The following KIF19 variants were observed in gnomAD, a reference collection of about 807,000 sequenced individuals.
KIF19 encodes the protein kinesin-like protein KIF19.
A neutral mutation model predicts 106.6 loss-of-function variants in KIF19; 98 were observed. The observed-to-expected ratio is 0.92, with a 90% confidence interval of 0.78 to 1.09. The LOEUF (loss-of-function observed/expected upper bound fraction) is 1.09, where lower values mean the gene tolerates loss of function less well. Ranked by LOEUF, KIF19 falls within the 50% of genes least tolerant of loss-of-function variation. The probability of loss-of-function intolerance (pLI) is 0.00; values close to 1 mark genes in which losing one functional copy is unlikely to be tolerated. For synonymous variants in KIF19, 516 were observed against 584.2 expected (o/e 0.88, Z 1.68); for missense variants, 1,373 against 1,414.3 (o/e 0.97, Z 0.47).
intron 17 of KIF19, 74 bp from the exon 18 acceptor site, chr17:74,354,088 G>A (rs546821991): frequency 2.4e-5 from 36 of 1,485,286 alleles, no homozygotes; most frequent in Admixed American, 1.0e-4. Flanking sequence ...TCCTACCCAC[G>A]TCTGCCATGT....
intron 3 of KIF19, 52 bp from the exon 4 acceptor site, chr17:74,342,578 T>C (rs2054410911): frequency 7.0e-7 from 1 of 1,419,392 alleles, no homozygotes; most frequent in Admixed American, 1.7e-5. Flanking sequence ...AGTGGGTGCC[T>C]GTGCTGTGCC....
chr17:74,346,674 G>A lies in KIF19; in HGVS notation c.924+150G>A, dbSNP rs916598827. On this transcript the variant is annotated intron_variant, in intron 8 of 19. Coordinates refer to ENST00000389916, the MANE Select transcript of KIF19 (RefSeq NM_153209.4). This position sits in a 1 kb window ranked among gnomAD's most constrained non-coding sequence, Gnocchi z 4.6. ...GTAAATATGTCCCATGAAATATTTG[G>A]GATATTCTTATGCTAAAACAAAGTA... 1 of 740,650 alleles carries A rather than the reference G, an allele frequency of 1.4e-6. No homozygotes were observed. The highest frequency in any genetic ancestry group is 2.2e-6 in the Non-Finnish European group (1 of 457,476). 45.9% of individuals were successfully genotyped at this position (740,650 alleles called of 1,614,324 possible).
rs563589295 is a variant in KIF19, at chr17:74,331,233, G to A, written c.120+2728G>A. ...AGGGAGGCTTGGGGGTCCAGTCCTC[G>A]TCAGCTTCTCTGATGGGGCCAGCTG... On this transcript the variant is annotated intron_variant, in intron 2 of 19. Coordinates refer to ENST00000389916, the MANE Select transcript of KIF19 (RefSeq NM_153209.4). This position sits in a 1 kb window ranked among gnomAD's most constrained non-coding sequence, Gnocchi z 4.1. 1.3e-5 allele frequency among the ~76,000 whole-genome samples: 2 copies of A among 152,158 alleles called. No homozygotes were observed. Among genetic ancestry groups the A allele is most frequent in the Non-Finnish European group, 2.9e-5 (2 of 67,984 alleles).
At chr17:74,341,698 T>C (rs1046384787) in intron 2 of KIF19, among the ~76,000 whole-genome samples, 178 bp from the exon 3 acceptor site, 4 of 152,164 alleles carry the variant, frequency 2.6e-5, no homozygotes, top group Non-Finnish European at 5.9e-5. Flanking sequence ...CTCCGGCCTC[T>C]GGCCCCTCCC....
chr17:74,342,924 G>A lies in KIF19; in HGVS notation c.320-100G>A, dbSNP rs557240061. The stretch of plus-strand genomic sequence containing the variant: ...ACCACCTCCCTGGCCCTCTGAGAGG[G>A]CCCAGCCTTGAGGACAAACCCCGGT... On this transcript the variant is annotated intron_variant, in intron 4 of 19. Coordinates refer to ENST00000389916, the MANE Select transcript of KIF19 (RefSeq NM_153209.4). 4.3e-6 allele frequency: 6 copies of A among 1,408,452 alleles called. No homozygotes were observed. The East Asian group carries it at 1.5e-4, about 35-fold the overall frequency. The allele number at this position is 1,408,452 out of a possible 1,614,324, so 87.2% of individuals were successfully genotyped here. A position where few individuals can be genotyped will look rare whatever the true frequency, so the allele number is the denominator to read the frequency against.
intron 2 of KIF19, among the ~76,000 whole-genome samples, chr17:74,333,954 G>A (rs186771539): frequency 7.8e-4 from 117 of 149,282 alleles, no homozygotes; most frequent in East Asian, 1.4e-3. Flanking sequence ...CTCCTGAGTA[G>A]CTGGGACTAT....
At chr17:74,349,514 G>A (rs1223381654) in intron 10 of KIF19, among the ~76,000 whole-genome samples, 165 bp downstream of exon 10, 1 of 152,192 alleles carries the variant, frequency 6.6e-6, no homozygotes, top group Non-Finnish European at 1.5e-5. Context: ...CTGTTAAATG[G>A]GGTTGTGATC....
chr17:74,355,029 G>T, intron 19 of KIF19, 88 bp downstream of exon 19: 2 of 1,544,560 alleles, frequency 1.3e-6, no homozygotes, highest in South Asian at 1.2e-5. Flanking sequence ...TGCGCCTCTG[G>T]CTGCCCCTTG....
rs1240106690 is a variant in KIF19, at chr17:74,352,072, G to A, written c.1793G>A (p.Arg598His). The change falls in exon 13 of 20, where the codon CGC (arginine) becomes CAC (histidine). Residue 598 changes from arginine (R) to histidine (H), a missense_variant. Around this residue, in one of 3 missense-constraint regions of KIF19, gnomAD observed 1,020 missense variants for 1,008.2 expected, o/e 1.01. Coordinates refer to ENST00000389916, the MANE Select transcript of KIF19 (RefSeq NM_153209.4). ...GALRHRHEAV[R>H]RLEQHRSLCD... is the part of the protein sequence containing the mutation. Reference sequence around the variant, plus strand: ...CTCCGCCACCGCCACGAGGCCGTGCGCCGCCTGGAGCAGCACCGCAGTCTC... The same window carrying A: ...CTCCGCCACCGCCACGAGGCCGTGCACCGCCTGGAGCAGCACCGCAGTCTC... 1 of 1,590,724 alleles carries A rather than the reference G, an allele frequency of 6.3e-7. No individual in the cohort carries two copies. The highest frequency in any genetic ancestry group is 1.7e-5 in the Admixed American group (1 of 58,064).
intron 2 of KIF19, among the ~76,000 whole-genome samples, chr17:74,330,210 A>G (rs1398579198): frequency 6.6e-6 from 1 of 152,222 alleles, no homozygotes; most frequent in Non-Finnish European, 1.5e-5. Context: ...ATGAATGCAC[A>G]TAAACAGTGG....
In KIF19 at chr17:74,355,561, G is replaced by A. The variant is rs1455965980; in HGVS notation, c.*249G>A. ...CTGGGCTCCCTGGCTTCCCAGCCCTGGACAGAATGCTGTTGCCAAAACCTG... is the reference window on the plus strand; with the variant it reads ...CTGGGCTCCCTGGCTTCCCAGCCCTAGACAGAATGCTGTTGCCAAAACCTG... On this transcript the variant is annotated 3_prime_UTR_variant, in exon 20 of 20. Coordinates refer to ENST00000389916, the MANE Select transcript of KIF19 (RefSeq NM_153209.4). 4.6e-6 allele frequency: 2 copies of A among 433,812 alleles called. No homozygotes were observed. The highest frequency in any genetic ancestry group is 8.0e-6 in the Non-Finnish European group (2 of 249,686). The allele number at this position is 433,812 out of a possible 1,614,324, so 26.9% of individuals were successfully genotyped here. A position where few individuals can be genotyped will look rare whatever the true frequency, so the allele number is the denominator to read the frequency against.
chr17:74,337,328 T>G, intron 2 of KIF19, among the ~76,000 whole-genome samples: 1 of 104,764 alleles, frequency 9.5e-6, no homozygotes, highest in African/African-American at 3.6e-5. Flanking sequence ...AGGGACTGCA[T>G]GTGCTCACGG....
intron 2 of KIF19, among the ~76,000 whole-genome samples, chr17:74,334,739 G>C (rs190956911): frequency 1.2e-4 from 19 of 152,218 alleles, no homozygotes; most frequent in Admixed American, 3.9e-4. Flanking sequence ...CTCCTTTAAA[G>C]AAACAAACAA....
Position 74,354,227 on chromosome 17 carries a change from G to A in KIF19, c.2374G>A (p.Ala792Thr). 6.2e-7 allele frequency: 1 copy of A among 1,608,882 alleles called. No homozygotes were observed. Among genetic ancestry groups the A allele is most frequent in the Non-Finnish European group, 8.5e-7 (1 of 1,179,414 alleles). Residue 792 changes from alanine to threonine, a missense_variant, in exon 18 of 20, where the codon GCC becomes ACC. Physicochemically the swap from Ala to Thr is moderately conservative, Grantham distance 58 (BLOSUM62 0). This residue lies in a region of KIF19 where 1,020 missense variants were observed against 1,008.2 expected (regional missense o/e 1.01). Transcript: ENST00000389916. ...WVKAARRRSR[A>T]LGTEGRHLLA... ...GAAGGCCGCCCGGCGGCGCTCGCGG[G>A]CCCTGGGAACCGAGGGGCGACACCT...
intron 9 of KIF19, 156 bp from the exon 10 acceptor site, chr17:74,349,028 A>T: frequency 1.5e-6 from 1 of 679,480 alleles, no homozygotes. Flanking sequence ...TCTAGCAGTG[A>T]GTGTGACAGG....
chr17:74,351,080 C>G (rs1394977607), intron 12 of KIF19, 175 bp downstream of exon 12: 1 of 652,672 alleles, frequency 1.5e-6, no homozygotes. Context: ...CATTCCCCAC[C>G]TGTAAAATGG....
At chr17:74,350,622 G>A (rs1288118791) in intron 11 of KIF19, 47 bp downstream of exon 11, 1 of 1,609,188 alleles carries the variant, frequency 6.2e-7, no homozygotes, top group South Asian at 1.1e-5. Context: ...CTGTGCCTGG[G>A]ACAGAGGAGC....
In KIF19 at chr17:74,355,275, G is replaced by A. The variant is rs377439513; in HGVS notation, c.2960G>A (p.Ser987Asn). The change falls in exon 20 of 20, where the codon AGC becomes AAC. Residue 987 changes from serine to asparagine, a missense_variant. Ser to Asn is a conservative substitution (Grantham distance 46). Transcript: ENST00000389916. Reference sequence around the variant, plus strand: ...GGGCCCCGCCTGCCCCACGGCACAAGCACCCATGGCAAAGATGGATGCTCC... The same window carrying A: ...GGGCCCCGCCTGCCCCACGGCACAAACACCCATGGCAAAGATGGATGCTCC... ...TRGPRLPHGT[S>N]THGKDGCSRH... 23 of 1,612,130 alleles carry A rather than the reference G, an allele frequency of 1.4e-5. No individual in the cohort carries two copies. The highest frequency in any genetic ancestry group is 1.8e-5 in the Non-Finnish European group (21 of 1,179,572).
intron 2 of KIF19, among the ~76,000 whole-genome samples, chr17:74,336,518 T>C (rs1285836771): frequency 1.3e-5 from 2 of 152,202 alleles, no homozygotes; most frequent in Admixed American, 6.5e-5. Flanking sequence ...CTCAACTGAT[T>C]ACACCTGCAA....
Sources: gnomAD v4.1 joint callset for allele counts (sites outside exome capture counted in the v4.1 genomes callset) on GRCh38, gnomAD v4.1.1 for gene constraint, gnomAD v4.1.1 regional missense constraint, Gnocchi (gnomAD v3.1) non-coding constraint, MANE v1.5 for transcripts, NCBI Gene and HGNC (gene_info 2026-07-23, HGNC 2026-07-21) for gene names.